The following MAGI2 variants were observed in gnomAD, a reference collection of about 807,000 sequenced individuals.
MAGI2 encodes membrane associated guanylate kinase, WW and PDZ domain containing 2, also known as membrane-associated guanylate kinase, WW and PDZ domain-containing protein 2.
MAGI2 carries 35 observed loss-of-function variants against 133.3 expected under a neutral mutation model. The observed-to-expected ratio is 0.26, with a 90% CI of 0.20 to 0.35. The LOEUF (loss-of-function observed/expected upper bound fraction) is 0.35. Ranked by LOEUF, MAGI2 falls within the 10% of genes least tolerant of loss-of-function variation. The pLI, the probability that MAGI2 is intolerant of heterozygous loss-of-function variation, is 1.00. For missense variants in MAGI2, 1,636 were observed against 1,863.4 expected, an observed-to-expected ratio of 0.88 and a Z score of 2.25; for synonymous variants, 729 against 710.6, an observed-to-expected ratio of 1.03 and a Z score of -0.41.
chr7:78,256,341 T>G lies in MAGI2; in HGVS notation c.1649A>C (p.Tyr550Ser). ...AACTGACTGTGAGGTCCGAGAAATGTACTCCAAATATGTTTCATAGTTGTG... is the reference window on the plus strand; with the variant it reads ...AACTGACTGTGAGGTCCGAGAAATGGACTCCAAATATGTTTCATAGTTGTG... ...GRHNYETYLE[Y>S]ISRTSQSVPD... The change falls in exon 10 of 22, where the codon TAC (tyrosine) becomes TCC (serine). Residue 550 changes from tyrosine (Y) to serine (S), a missense_variant. Tyr to Ser is a moderately radical substitution (Grantham distance 144, BLOSUM62 -2). This residue lies in a region of MAGI2 where 920 missense variants were observed against 1,093.5 expected (regional missense o/e 0.84). Coordinates refer to ENST00000354212, the MANE Select transcript of MAGI2 (RefSeq NM_012301.4). 6.2e-7 allele frequency: 1 copy of G among 1,614,092 alleles called. No homozygotes were observed. Among genetic ancestry groups the G allele is most frequent in the Non-Finnish European group, 8.5e-7 (1 of 1,179,990 alleles).
chr7:78,028,573 G>A (rs1345335325), intron 21 of MAGI2, among the ~76,000 whole-genome samples: 1 of 152,100 alleles, frequency 6.6e-6, no homozygotes, highest in East Asian at 1.9e-4. Flanking sequence ...GGTGCTATTA[G>A]GCCAGGTGTG....
At chr7:79,428,445 T>C (rs10485959) in intron 1 of MAGI2, among the ~76,000 whole-genome samples, 43,457 of 152,020 alleles carry the variant, frequency 0.29, 6,997 homozygotes, top group Middle Eastern at 0.4. Context: ...ACTTGTACCT[T>C]CATGACCACT....
chr7:79,203,247 A>T (rs1828766299), intron 1 of MAGI2, among the ~76,000 whole-genome samples: 1 of 151,990 alleles, frequency 6.6e-6, no homozygotes, highest in Non-Finnish European at 1.5e-5. Flanking sequence ...TCTTATTTGC[A>T]TTTATTTAAT....
intron 1 of MAGI2, among the ~76,000 whole-genome samples, chr7:79,260,925 A>G (rs916371016): frequency 6.6e-6 from 1 of 152,198 alleles, no homozygotes; most frequent in African/African-American, 2.4e-5. Context: ...GGGGGTGTTC[A>G]CTATACTAGG....
chr7:78,729,354 C>T (rs994068199), intron 2 of MAGI2, among the ~76,000 whole-genome samples: 2 of 152,086 alleles, frequency 1.3e-5, no homozygotes, highest in Admixed American at 6.5e-5. Context: ...TAGGTGGGAT[C>T]AAAGACAAAC....
chr7:78,496,396 C>T (rs1003985234), intron 5 of MAGI2, among the ~76,000 whole-genome samples: 3 of 152,118 alleles, frequency 2.0e-5, no homozygotes, highest in African/African-American at 7.2e-5. Flanking sequence ...AAAGCAATAG[C>T]AGTCTCTTTT....
At chr7:79,237,353 C>T (rs1030878071) in intron 1 of MAGI2, among the ~76,000 whole-genome samples, 3 of 152,186 alleles carry the variant, frequency 2.0e-5, no homozygotes, top group East Asian at 3.9e-4. Context: ...AATTAGCCGG[C>T]GTGGTGGCAG....
At chr7:78,539,269 A>AT (rs59803719) in intron 3 of MAGI2, among the ~76,000 whole-genome samples, 17,542 of 151,930 alleles carry the variant, frequency 0.12, 2,384 homozygotes, top group East Asian at 0.4. Flanking sequence ...TATTGAGATG[A>AT]TTTTTGTCAT....
At chr7:78,275,699 A>G (rs1794993173) in intron 9 of MAGI2, among the ~76,000 whole-genome samples, 1 of 152,244 alleles carries the variant, frequency 6.6e-6, no homozygotes, top group East Asian at 1.9e-4. Flanking sequence ...TGAAGCTTTG[A>G]AAATCTTAAG....
chr7:78,431,110 A>G (rs758667563), intron 6 of MAGI2, among the ~76,000 whole-genome samples: 3 of 139,842 alleles, frequency 2.1e-5, no homozygotes, highest in African/African-American at 3.0e-5. Flanking sequence ...GTGTGTTTTA[A>G]GCAAAAGAAA....
chr7:79,049,349 A>G (rs900665116), intron 1 of MAGI2, among the ~76,000 whole-genome samples: 1 of 152,214 alleles, frequency 6.6e-6, no homozygotes, highest in Non-Finnish European at 1.5e-5. Flanking sequence ...TTTACATAAT[A>G]ATGTGACAAA....
rs1465444408 is a variant in MAGI2, at chr7:78,017,957, A to G, written c.*1358T>C. On this transcript the variant is annotated 3_prime_UTR_variant, in exon 22 of 22. Transcript: ENST00000354212. ...TATTAAAAAGAAATTGCCTTCAGAA[A>G]CACTTTGCCTTTTAATATGTGTAGC... The G allele has an allele frequency of 6.6e-6, 1 of 152,240 alleles. No homozygotes were observed. The highest frequency in any genetic ancestry group is 1.5e-5 in the Non-Finnish European group (1 of 68,046). 9.4% of individuals were successfully genotyped at this position (152,240 alleles called of 1,614,324 possible).
At chr7:78,436,927 A>G (rs1202111756) in intron 6 of MAGI2, among the ~76,000 whole-genome samples, 1 of 152,176 alleles carries the variant, frequency 6.6e-6, no homozygotes, top group African/African-American at 2.4e-5. Context: ...GCATTTAGGA[A>G]CCAACTATGA....
chr7:78,657,586 A>G (rs1456228686), intron 2 of MAGI2, among the ~76,000 whole-genome samples: 2 of 152,084 alleles, frequency 1.3e-5, no homozygotes, highest in African/African-American at 2.4e-5. Context: ...TATGATTCCA[A>G]CTATATGGTA....
At chr7:79,183,448 G>C (rs1006871310) in intron 1 of MAGI2, among the ~76,000 whole-genome samples, 2 of 151,610 alleles carry the variant, frequency 1.3e-5, no homozygotes, top group Non-Finnish European at 1.5e-5. Flanking sequence ...CACCTTTTTA[G>C]AAAATGGGAG....
intron 1 of MAGI2, among the ~76,000 whole-genome samples, chr7:79,315,139 A>G (rs994826001): frequency 6.6e-6 from 1 of 150,696 alleles, no homozygotes; most frequent in African/African-American, 2.4e-5. Flanking sequence ...TTTGTTCATA[A>G]CAGTAGTATA....
intron 2 of MAGI2, among the ~76,000 whole-genome samples, chr7:78,836,878 A>AT (rs1335004817): frequency 1.4e-5 from 2 of 139,852 alleles, no homozygotes; most frequent in African/African-American, 2.5e-5. Flanking sequence ...AGTACAAGTG[A>AT]TTTTTTCTTA....
intron 2 of MAGI2, among the ~76,000 whole-genome samples, chr7:78,829,144 TA>T (rs1361462433): frequency 6.6e-6 from 1 of 152,126 alleles, no homozygotes; most frequent in African/African-American, 2.4e-5. Context: ...ATTCACCTTA[TA>T]AAAATGTACA....
intron 1 of MAGI2, among the ~76,000 whole-genome samples, chr7:79,079,420 G>T (rs1177791515): frequency 6.6e-6 from 1 of 152,146 alleles, no homozygotes; most frequent in Non-Finnish European, 1.5e-5. Flanking sequence ...CAATATTAAA[G>T]GTTTCTGGTC....
Sources: allele counts gnomAD v4.1 joint callset (sites outside exome capture counted in the v4.1 genomes callset), GRCh38; gene constraint gnomAD v4.1.1; regional missense constraint gnomAD v4.1.1; transcripts MANE v1.5; gene names NCBI Gene and HGNC (gene_info 2026-07-23, HGNC 2026-07-21).